The following SLC9A3 variants were observed in gnomAD, a reference collection of about 807,000 sequenced individuals.
The protein encoded by SLC9A3 is sodium/hydrogen exchanger 3.
Under a neutral mutation model 86.8 loss-of-function variants are expected in SLC9A3, and 37 were observed. The observed-to-expected ratio is 0.43, with a 90% CI of 0.33 to 0.56. The LOEUF (loss-of-function observed/expected upper bound fraction) is 0.56. Among genes scored for constraint, SLC9A3 ranks in the 20% least tolerant of loss-of-function variants. The pLI, the probability that SLC9A3 is intolerant of heterozygous loss-of-function variation, is 0.06. For synonymous variants in SLC9A3, 581 were observed against 528.3 expected (o/e 1.10, Z -1.37); for missense variants, 1,011 against 1,171.9 (o/e 0.86, Z 2.00).
rs768333098 is a variant in SLC9A3 at position 476,553 on chromosome 5, G to A, written c.1880C>T (p.Pro627Leu). ...HHTLQQYLYK[P>L]RQEYKHLYSR... The stretch of plus-strand genomic sequence containing the variant: ...GCCCGCAGTGCCCACCTCCTGCCGC[G>A]GCTTGTACAGGTACTGCTGTAGCGT... Residue 627 changes from proline to leucine, a missense_variant, in exon 12 of 17, where the codon CCG becomes CTG. Transcript: ENST00000264938. The A allele has an allele frequency of 3.1e-6, 5 of 1,611,206 alleles. No homozygotes were observed. The highest frequency in any genetic ancestry group is 4.2e-6 in the Non-Finnish European group (5 of 1,179,774).
intron 2 of SLC9A3, among the ~76,000 whole-genome samples, chr5:489,434 C>T (rs1021849287): frequency 6.6e-6 from 1 of 152,124 alleles, no homozygotes; most frequent in Non-Finnish European, 1.5e-5. Flanking sequence ...GGGGTTTGTC[C>T]CTGGAGCCGG....
rs751941469 is a variant in SLC9A3 at position 524,103 on chromosome 5, G to A, written c.211+9C>T. ...CGCGGGCAGATCCGGAGACCCCGGGGCCACTTACCGATCTTGGCCAAGCTG... is the reference window on the plus strand; with the variant it reads ...CGCGGGCAGATCCGGAGACCCCGGGACCACTTACCGATCTTGGCCAAGCTG... On this transcript the variant is annotated intron_variant, in intron 1 of 16. Coordinates refer to ENST00000264938, the MANE Select transcript of SLC9A3 (RefSeq NM_004174.4). 1.5e-5 allele frequency: 23 copies of A among 1,493,298 alleles called. No individual in the cohort carries two copies. The African/African-American group carries it at 3.1e-4, about 20-fold the overall frequency. The allele number at this position is 1,493,298 out of a possible 1,614,324, so 92.5% of individuals were successfully genotyped here.
In SLC9A3 at chr5:472,173, T is replaced by A; in HGVS notation, c.*1206A>T. On this transcript the variant is annotated 3_prime_UTR_variant, in exon 17 of 17. Coordinates refer to ENST00000264938, the MANE Select transcript of SLC9A3 (RefSeq NM_004174.4). Reference sequence around the variant, plus strand: ...CGCGGCCTCCGCCCACTCAATGGACTGTGCCTCCCAGAGCTTGGGCTGGAT... The same window carrying A: ...CGCGGCCTCCGCCCACTCAATGGACAGTGCCTCCCAGAGCTTGGGCTGGAT... 2.7e-6 allele frequency: 1 copy of A among 369,406 alleles called. No homozygotes were observed. The highest frequency in any genetic ancestry group is 5.3e-6 in the Non-Finnish European group (1 of 187,752). 22.9% of individuals were successfully genotyped at this position (369,406 alleles called of 1,614,324 possible).
In SLC9A3 at chr5:491,331, G is replaced by A. The variant is rs73042926; in HGVS notation, c.514+438C>T. On this transcript the variant is annotated intron_variant, in intron 2 of 16. Transcript: ENST00000264938. The surrounding 1 kb of genome is among the most constrained non-coding windows in gnomAD (Gnocchi z 9.2). ...ATGAAGCATCCAAGACCAAAACCGC[G>A]CAGCAGTTCTGGCTCCGGCTGTGGC... Among the ~76,000 whole-genome samples the A allele has an allele frequency of 0.014, 2,151 of 152,268 alleles. 53 individuals are homozygous for A. The highest frequency in any genetic ancestry group is 0.049 in the African/African-American group (2,054 of 41,534).
chr5:515,378 C>T (rs1273933127), intron 1 of SLC9A3, among the ~76,000 whole-genome samples: 1 of 152,104 alleles, frequency 6.6e-6, no homozygotes, highest in Non-Finnish European at 1.5e-5. Context: ...CCTGGCTGCT[C>T]TCCTGACTCC....
At chr5:499,603 T>A (rs1315408716) in intron 1 of SLC9A3, among the ~76,000 whole-genome samples, 1 of 152,248 alleles carries the variant, frequency 6.6e-6, no homozygotes, top group Non-Finnish European at 1.5e-5. Context: ...CCGTCCTTCC[T>A]TCCTGTGCCC....
At chr5:484,808 C>G (rs1300903574) in intron 4 of SLC9A3, 111 bp from the exon 5 acceptor site, 1 of 1,006,140 alleles carries the variant, frequency 9.9e-7, no homozygotes, top group African/African-American at 1.6e-5. Flanking sequence ...GGGGGTGGAT[C>G]CCTCACTCTC....
rs748281145 is a variant in SLC9A3 at position 472,837 on chromosome 5, T to G, written c.*542A>C. The G allele has an allele frequency of 3.0e-5, 16 of 525,308 alleles. No homozygotes were observed. The highest frequency in any genetic ancestry group is 4.5e-5 in the East Asian group (1 of 22,418). The allele number at this position is 525,308 out of a possible 1,614,324, so 32.5% of individuals were successfully genotyped here. On this transcript the variant is annotated 3_prime_UTR_variant, in exon 17 of 17. Coordinates refer to ENST00000264938, the MANE Select transcript of SLC9A3 (RefSeq NM_004174.4). ...TCAGTCCCCGGGCGCGGGGCTCGGT[T>G]GGGGGGGCCCGGAACCTTGGGCTGG...
chr5:491,971 G>A lies in SLC9A3; in HGVS notation c.312C>T (p.His104=), dbSNP rs142857053. Reference sequence around the variant, plus strand: ...TGGGCGTCAGTGTGAAGGACGCGATGTGGTCGGCCGCCCAGACGATGCCGC... The same window carrying A: ...TGGGCGTCAGTGTGAAGGACGCGATATGGTCGGCCGCCCAGACGATGCCGC... ...VLGGIVWAAD[H]IASFTLTPTV... is the part of the protein sequence containing the mutation. Residue 104 remains histidine, a synonymous_variant, in exon 2 of 17, where the codon CAC becomes CAT. Coordinates refer to ENST00000264938, the MANE Select transcript of SLC9A3 (RefSeq NM_004174.4). This position sits in a 1 kb window ranked among gnomAD's most constrained non-coding sequence, Gnocchi z 9.2. 1.8e-4 allele frequency: 291 copies of A among 1,606,978 alleles called. No homozygotes were observed. The highest frequency in any genetic ancestry group is 2.1e-4 in the Non-Finnish European group (253 of 1,177,446).
intron 1 of SLC9A3, among the ~76,000 whole-genome samples, chr5:518,685 G>A (rs1733803762): frequency 6.6e-6 from 1 of 152,200 alleles, no homozygotes; most frequent in African/African-American, 2.4e-5. Flanking sequence ...AGTGGGGGTG[G>A]CCACGCTGGG....
At chr5:499,772 G>C (rs898050544) in intron 1 of SLC9A3, among the ~76,000 whole-genome samples, 1 of 152,206 alleles carries the variant, frequency 6.6e-6, no homozygotes, top group African/African-American at 2.4e-5. Context: ...TGCCAAGGTG[G>C]CTCCTAGAGA....
At chr5:504,046 A>C (rs1740429089) in intron 1 of SLC9A3, among the ~76,000 whole-genome samples, 1 of 152,128 alleles carries the variant, frequency 6.6e-6, no homozygotes, top group Non-Finnish European at 1.5e-5. Context: ...CAAAGTAGAA[A>C]TTATGAAACC....
At chr5:486,827 G>A (rs566049496) in intron 3 of SLC9A3, among the ~76,000 whole-genome samples, 8 of 152,012 alleles carry the variant, frequency 5.3e-5, no homozygotes, top group East Asian at 1.9e-4. Flanking sequence ...GTCCAGGACC[G>A]GGGTCCCGCA....
chr5:477,708 G>T (rs1028121337), intron 10 of SLC9A3: 1 of 435,818 alleles, frequency 2.3e-6, no homozygotes, highest in Non-Finnish European at 4.1e-6. Context: ...AGGACACAGT[G>T]GTCTGAGTGT....
chr5:477,633 GC>G (rs1738837704), intron 10 of SLC9A3, among the ~76,000 whole-genome samples, 189 bp from the exon 11 acceptor site: 1 of 152,220 alleles, frequency 6.6e-6, no homozygotes, highest in African/African-American at 2.4e-5. Context: ...CAGATTTTGA[GC>G]CCCTGTCCGT....
chr5:476,754 A>G (rs1738769406), intron 11 of SLC9A3, 82 bp from the exon 12 acceptor site: 12 of 1,541,158 alleles, frequency 7.8e-6, no homozygotes, highest in Non-Finnish European at 1.1e-5. Context: ...CACGGCGGGC[A>G]TCTGGCCCTG....
In SLC9A3 at chr5:476,251, T is replaced by G; in HGVS notation, c.2018A>C (p.Gln673Pro). 6.2e-7 allele frequency: 1 copy of G among 1,613,998 alleles called. No homozygotes were observed. The highest frequency in any genetic ancestry group is 8.5e-7 in the Non-Finnish European group (1 of 1,179,986). The change falls in exon 13 of 17, where the codon CAG becomes CCG. Residue 673 changes from glutamine (Q) to proline (P), a missense_variant. Physicochemically the swap from Gln to Pro is moderately conservative, Grantham distance 76. Coordinates refer to ENST00000264938, the MANE Select transcript of SLC9A3 (RefSeq NM_004174.4). Reference protein sequence around the residue: ...SFKSTKLGLNQNKKAAKLYKR... With the variant: ...SFKSTKLGLNPNKKAAKLYKR... ...GTACAGCTTGGCCGCCTTCTTGTTC[T>G]GGTTGAGCCCCAGCTTGGTCGACTT...
chr5:507,475 T>G (rs1740652760), intron 1 of SLC9A3, among the ~76,000 whole-genome samples: 1 of 151,724 alleles, frequency 6.6e-6, no homozygotes, highest in South Asian at 2.1e-4. Flanking sequence ...ATGTTGCCCA[T>G]GCTGGTCTAA....
chr5:485,808 G>C (rs1342626943), intron 3 of SLC9A3, among the ~76,000 whole-genome samples: 1 of 152,240 alleles, frequency 6.6e-6, no homozygotes, highest in African/African-American at 2.4e-5. Flanking sequence ...AGGTGGGAGA[G>C]GACCCTGGGG....
Sources: allele counts gnomAD v4.1 joint callset (sites outside exome capture counted in the v4.1 genomes callset), GRCh38; gene constraint gnomAD v4.1.1; non-coding constraint Gnocchi (gnomAD v3.1); transcripts MANE v1.5; gene names NCBI Gene and HGNC (gene_info 2026-07-23, HGNC 2026-07-21).